The following SMYD4 variants were observed in gnomAD, a reference collection of about 807,000 sequenced individuals.
SMYD4 encodes protein-lysine N-methyltransferase SMYD4.
SMYD4 carries 68 observed loss-of-function variants against 72.8 expected under a neutral mutation model. The ratio of observed to expected loss-of-function variants is 0.93; its 90% CI spans 0.77 to 1.14. SMYD4 has a LOEUF of 1.14. Ranked by LOEUF, SMYD4 falls within the 50% of genes most tolerant of loss-of-function variation. The pLI is 0.00. For synonymous variants in SMYD4, 407 were observed against 388.6 expected (o/e 1.05, Z -0.56); for missense variants, 984 against 1,003.7 (o/e 0.98, Z 0.27).
rs373718942 is a variant in SMYD4, at chr17:1,799,850, C to G, written c.1537+7G>C. The G allele has an allele frequency of 2.2e-5, 34 of 1,570,898 alleles. No individual in the cohort carries two copies. In the African/African-American group the frequency reaches 4.4e-4, roughly 21 times the overall value. On this transcript the variant is annotated splice_region_variant and intron_variant, in intron 5 of 10. Transcript: ENST00000305513. ...TTGAAAAGCAGGAACATCAGGTTCC[C>G]TCTTACCTGTGTGTTGTATGGTGGT...
intron 2 of SMYD4, among the ~76,000 whole-genome samples, chr17:1,812,467 A>G (rs544439427): frequency 4.9e-4 from 73 of 150,250 alleles, no homozygotes; most frequent in African/African-American, 1.5e-3. Flanking sequence ...TAATGTTTGT[A>G]CTTTTAGTAG....
intron 3 of SMYD4, among the ~76,000 whole-genome samples, chr17:1,809,443 C>T (rs777090170): frequency 4.6e-5 from 7 of 150,948 alleles, no homozygotes; most frequent in African/African-American, 1.7e-4. Context: ...GGTGCGATCT[C>T]GGCTCACTGC....
At chr17:1,824,457 G>A (rs1911055224) in intron 2 of SMYD4, among the ~76,000 whole-genome samples, 1 of 152,092 alleles carries the variant, frequency 6.6e-6, no homozygotes. Context: ...GTGATATGGC[G>A]TGGCTGTGTC....
intron 2 of SMYD4, among the ~76,000 whole-genome samples, chr17:1,827,298 C>T (rs1911233325): frequency 6.6e-6 from 1 of 150,640 alleles, no homozygotes; most frequent in African/African-American, 2.4e-5. Context: ...GAGATTGCGC[C>T]ACTGCACTCT....
Position 1,787,519 on chromosome 17 carries a change from G to C in SMYD4, c.1623C>G (p.Ser541=). 1.9e-6 allele frequency: 3 copies of C among 1,590,392 alleles called. No homozygotes were observed. Among genetic ancestry groups the C allele is most frequent in the Non-Finnish European group, 2.6e-6 (3 of 1,168,600 alleles). The change falls in exon 6 of 11, where the codon TCC becomes TCG. Residue 541 remains serine (S), a synonymous_variant. Transcript: ENST00000305513. The stretch of plus-strand genomic sequence containing the variant: ...AGGACACGCTGGTGTTGGGGCTACA[G>C]GAGTGGTTCAGGAGGCTGATAACAG... ...IFPVISLLNH[S]CSPNTSVSFI... is the part of the protein sequence containing the mutation.
intron 7 of SMYD4, among the ~76,000 whole-genome samples, chr17:1,784,755 C>T (rs1272272145): frequency 2.0e-5 from 3 of 152,078 alleles, no homozygotes; most frequent in Admixed American, 2.0e-4. Flanking sequence ...CTTTTTGGGG[C>T]CAGGACTTTA....
Position 1,781,194 on chromosome 17 carries a change from T to G in SMYD4, c.*92A>C. 5 of 1,501,090 alleles carry G rather than the reference T, an allele frequency of 3.3e-6. No individual in the cohort carries two copies. The highest frequency in any genetic ancestry group is 4.5e-6 in the Non-Finnish European group (5 of 1,117,716). 93.0% of individuals were successfully genotyped at this position (1,501,090 alleles called of 1,614,324 possible). A position where few individuals can be genotyped will look rare whatever the true frequency, so the allele number is the denominator to read the frequency against. On this transcript the variant is annotated 3_prime_UTR_variant, in exon 11 of 11. Transcript: ENST00000305513. ...CCTTAGCCTCCCAAAGTGCTGGGAT[T>G]ACAGGCGTGAGCCACCATACCTGGC...
rs767323506 is a variant in SMYD4 at position 1,800,974 on chromosome 17, C to T, written c.420G>A (p.Arg140=). 17 of 1,613,848 alleles carry T rather than the reference C, an allele frequency of 1.1e-5. No individual in the cohort carries two copies. The highest frequency in any genetic ancestry group is 3.3e-4 in the Middle Eastern group (2 of 6,084). The change falls in exon 5 of 11, where the codon AGG becomes AGA. Residue 140 remains arginine (R), a synonymous_variant. Coordinates refer to ENST00000305513, the MANE Select transcript of SMYD4 (RefSeq NM_052928.3). ...TACGTAACATAATCTTGGGTTGCAA[C>T]CTTTCTGGATACCCATGTGTCTGTG... ...NRAQTHGYPE[R]LQPKIMLRKA...
intron 5 of SMYD4, among the ~76,000 whole-genome samples, chr17:1,795,012 A>C (rs1436585749): frequency 6.6e-6 from 1 of 152,186 alleles, no homozygotes; most frequent in Non-Finnish European, 1.5e-5. Flanking sequence ...AAACTGCTAG[A>C]TATGACACTG....
chr17:1,792,977 G>C (rs1464453307), intron 5 of SMYD4, among the ~76,000 whole-genome samples: 2 of 151,904 alleles, frequency 1.3e-5, no homozygotes, highest in Non-Finnish European at 2.9e-5. Flanking sequence ...TGTTGCAATG[G>C]GGTGATCTCA....
At position 1,800,053 on chromosome 17, in the gene SMYD4, AAC is replaced by A. The variant is rs1021145956; in HGVS notation, c.1339_1340del (p.Val447PhefsTer18). ...CTTCTAGCTGTCTGCACAGTGCAGA[AAC>A]ACAGAGAGCACAGAGGAATTTGTGC... is the stretch of plus-strand genomic sequence containing the variant. ...PEHKFLCALC[V>X]SALCRQLEAA... On this transcript the variant is annotated frameshift_variant, in exon 5 of 11. Coordinates refer to ENST00000305513, the MANE Select transcript of SMYD4 (RefSeq NM_052928.3). LOFTEE classifies it high-confidence loss of function. 10 of 1,613,506 alleles carry A rather than the reference AAC, an allele frequency of 6.2e-6. No individual in the cohort carries two copies. Among genetic ancestry groups the A allele is most frequent in the Non-Finnish European group, 8.5e-6 (10 of 1,179,652 alleles).
chr17:1,802,099 C>T (rs888248692), intron 4 of SMYD4, among the ~76,000 whole-genome samples: 3 of 152,126 alleles, frequency 2.0e-5, no homozygotes, highest in African/African-American at 7.2e-5. Context: ...TAATATCTCC[C>T]AGTGTTGTTT....
intron 9 of SMYD4, 47 bp from the exon 10 acceptor site, chr17:1,783,205 T>A: frequency 6.2e-7 from 1 of 1,613,342 alleles, no homozygotes; most frequent in Admixed American, 1.7e-5. Flanking sequence ...CACTGTCAAC[T>A]GTGGATGCAT....
chr17:1,808,169 C>T (rs1412324638), intron 3 of SMYD4, among the ~76,000 whole-genome samples: 1 of 152,184 alleles, frequency 6.6e-6, no homozygotes, highest in East Asian at 1.9e-4. Flanking sequence ...CAGATATATA[C>T]ACATATTTAC....
chr17:1,790,375 C>T (rs1194502068), intron 5 of SMYD4, among the ~76,000 whole-genome samples: 1 of 152,126 alleles, frequency 6.6e-6, no homozygotes, highest in African/African-American at 2.4e-5. Context: ...GTGCATTAAT[C>T]ATCTATTAGT....
chr17:1,799,194 G>C (rs943132478), intron 5 of SMYD4, among the ~76,000 whole-genome samples: 1 of 150,912 alleles, frequency 6.6e-6, no homozygotes, highest in Non-Finnish European at 1.5e-5. Flanking sequence ...GGGAGGCAGA[G>C]CTTGCAGTGA....
At chr17:1,804,455 G>T in intron 4 of SMYD4, 171 bp downstream of exon 4, 1 of 547,164 alleles carries the variant, frequency 1.8e-6, no homozygotes, top group African/African-American at 1.9e-5. Context: ...GAGATTACAG[G>T]CAATGAGCGC....
intron 5 of SMYD4, among the ~76,000 whole-genome samples, chr17:1,790,766 T>C (rs1433191059): frequency 1.3e-5 from 2 of 151,784 alleles, no homozygotes; most frequent in Non-Finnish European, 2.9e-5. Context: ...CCACCCACCT[T>C]GGCCTCCCAA....
chr17:1,815,542 A>T (rs1406540536), intron 2 of SMYD4, among the ~76,000 whole-genome samples: 1 of 144,122 alleles, frequency 6.9e-6, no homozygotes, highest in Non-Finnish European at 1.5e-5. Context: ...GAATATTATG[A>T]TAAAAAAATT....
Sources: allele counts gnomAD v4.1 joint callset (sites outside exome capture counted in the v4.1 genomes callset), GRCh38; gene constraint gnomAD v4.1.1; transcripts MANE v1.5; gene names NCBI Gene and HGNC (gene_info 2026-07-23, HGNC 2026-07-21).